MYH13: variants seen among roughly 807,000 people sequenced by gnomAD.
MYH13 encodes the protein myosin heavy chain 13.
Under a neutral mutation model 232.1 loss-of-function variants are expected in MYH13, and 177 were observed. That is an observed-to-expected ratio of 0.76 (90% CI 0.67 to 0.86). The LOEUF (loss-of-function observed/expected upper bound fraction) is 0.86, where lower values mean the gene tolerates loss of function less well. Ranked by LOEUF, MYH13 falls within the 40% of genes least tolerant of loss-of-function variation. MYH13 has a pLI of 0.00. For missense variants in MYH13, 2,246 were observed against 2,405.9 expected (o/e 0.93, Z 1.39); for synonymous variants, 884 against 923.5 (o/e 0.96, Z 0.78).
At position 10,333,074 on chromosome 17, in the gene MYH13, C is replaced by T. The variant is rs562834527; in HGVS notation, c.2174G>A (p.Arg725Gln). ...SRILYADFKQ[R>Q]YRILNASAIP... ...GATGCACAGGAGAGAGGGAACCTAC[C>T]GCTGCTTGAAGTCAGCATAGAGGAT... is the stretch of plus-strand genomic sequence containing the variant. Residue 725 changes from arginine (R) to glutamine (Q), a missense_variant and splice_region_variant, in exon 19 of 41, where the codon CGG becomes CAG. Physicochemically the swap from Arg to Gln is conservative, Grantham distance 43 (BLOSUM62 1). Coordinates refer to ENST00000252172, the MANE Select transcript of MYH13 (RefSeq NM_003802.3). 313 of 1,545,606 alleles carry T rather than the reference C, an allele frequency of 2.0e-4. 1 individual carries two copies. The highest frequency in any genetic ancestry group is 2.6e-4 in the Non-Finnish European group (301 of 1,141,464).
chr17:10,343,812 C>G lies in MYH13; in HGVS notation c.1882G>C (p.Gly628Arg). 6.2e-7 allele frequency: 1 copy of G among 1,601,634 alleles called. No homozygotes were observed. ...LLSFLFSNYAGAETGDSGGSK... is the reference protein window; with the variant it reads ...LLSFLFSNYARAETGDSGGSK... ...GATAGAATTTTACCTGTCTCTGCAC[C>G]AGCATAGTTGGAAAAAAGGAAGGAG... Residue 628 changes from glycine (G) to arginine (R), a missense_variant, in exon 16 of 41, where the codon GGT (glycine) becomes CGT (arginine). Gly to Arg is a moderately radical substitution (Grantham distance 125). Transcript: ENST00000252172.
rs193189624 is a variant in MYH13, at chr17:10,342,351, G to A, written c.1894+1449C>T. Among the ~76,000 whole-genome samples the A allele has an allele frequency of 5.9e-5, 9 of 152,162 alleles. No homozygotes were observed. The East Asian group carries it at 1.5e-3, about 26-fold the overall frequency. ...TGGGATTACAGGTGTAAGCCACCAC[G>A]CCTGGCCCCTGTGTAACCACTCTGG... is the stretch of plus-strand genomic sequence containing the variant. On this transcript the variant is annotated intron_variant, in intron 16 of 40. Transcript: ENST00000252172.
intron 8 of MYH13, among the ~76,000 whole-genome samples, chr17:10,356,759 T>C (rs1002466345): frequency 6.6e-6 from 1 of 152,198 alleles, no homozygotes; most frequent in African/African-American, 2.4e-5. Context: ...GTGTGAAGTT[T>C]TAATGTACTT....
rs199890413 is a variant in MYH13 at position 10,313,255 on chromosome 17, G to A, written c.4084C>T (p.Gln1362Ter). 3 of 1,614,124 alleles carry A rather than the reference G, an allele frequency of 1.9e-6. No individual in the cohort carries two copies. The Admixed American group carries it at 5.0e-5, about 27-fold the overall frequency. The change falls in exon 30 of 41, where the codon CAG becomes TAG. Residue 1362 changes from glutamine (Q) to a stop codon, truncating the protein, a stop_gained. Transcript: ENST00000252172. LOFTEE classifies it high-confidence loss of function. The stretch of plus-strand genomic sequence containing the variant: ...CTGTTGGCCTTGGACAGCGCCCTCT[G>A]CAGCTCGGCCTTGGCTTCCTGCTCC... Reference protein sequence around the residue: ...EEEQEAKAELQRALSKANSEV... With the variant: ...EEEQEAKAEL
chr17:10,358,408 A>T (rs2071765650), intron 7 of MYH13, among the ~76,000 whole-genome samples: 1 of 152,162 alleles, frequency 6.6e-6, no homozygotes, highest in Non-Finnish European at 1.5e-5. Context: ...AACTACTGTC[A>T]AACCTAGTGG....
intron 2 of MYH13, among the ~76,000 whole-genome samples, chr17:10,368,570 C>T (rs1006323999): frequency 5.3e-5 from 8 of 152,296 alleles, no homozygotes; most frequent in Non-Finnish European, 1.0e-4. Flanking sequence ...GTGAAGAATA[C>T]AGTAATTACT....
intron 11 of MYH13, chr17:10,350,900 T>C (rs1026352215): frequency 3.2e-6 from 2 of 628,916 alleles, no homozygotes. Context: ...GAAAAAGATG[T>C]GAATTGTCTG....
rs770998019 is a variant in MYH13 at position 10,303,250 on chromosome 17, C to G, written c.5613G>C (p.Leu1871=). The stretch of plus-strand genomic sequence containing the variant: ...TCACTTTGGCCTGCAGCTTGTCCAC[C>G]AGGTCCTGGAGCCTAAGGATATTCT... ...DHKNILRLQD[L]VDKLQAKVKS... Residue 1871 remains leucine (L), a synonymous_variant, in exon 39 of 41, where the codon CTG becomes CTC. Transcript: ENST00000252172. 1 of 1,613,644 alleles carries G rather than the reference C, an allele frequency of 6.2e-7. No individual in the cohort carries two copies. The highest frequency in any genetic ancestry group is 1.1e-5 in the South Asian group (1 of 91,018).
chr17:10,349,669 C>T (rs756210619), intron 12 of MYH13, among the ~76,000 whole-genome samples: 8 of 151,958 alleles, frequency 5.3e-5, no homozygotes, highest in Non-Finnish European at 1.2e-4. Flanking sequence ...TCCCATGATG[C>T]GGTGACCAAT....
rs1907104304 is a variant in MYH13, at chr17:10,324,057, T to C, written c.2899A>G (p.Lys967Glu). 6.2e-7 allele frequency: 1 copy of C among 1,614,026 alleles called. No individual in the cohort carries two copies. Residue 967 changes from lysine to glutamate, a missense_variant, in exon 23 of 41, where the codon AAA becomes GAA. By Grantham distance (56) the Lys-to-Glu change is moderately conservative (BLOSUM62 1). Coordinates refer to ENST00000252172, the MANE Select transcript of MYH13 (RefSeq NM_003802.3). ...GTGGCATGCTTCTCCTTTTCAACTT[T>C]CGTCAAGGTCAGCTCCAGGTCATCA... The part of the protein sequence containing the change: ...DIDDLELTLT[K>E]VEKEKHATEN...
rs559192057 is a variant in MYH13, at chr17:10,364,017, T to C, written c.204+310A>G. Among the ~76,000 whole-genome samples, 5 of 152,184 alleles carry C rather than the reference T, an allele frequency of 3.3e-5. No homozygotes were observed. The South Asian group carries it at 1.0e-3, about 32-fold the overall frequency. ...GCAGCCACTCTGCAGCCCAGAGAGGTATAATTGGTCGGCCCATCCAGTATC... is the reference window on the plus strand; with the variant it reads ...GCAGCCACTCTGCAGCCCAGAGAGGCATAATTGGTCGGCCCATCCAGTATC... On this transcript the variant is annotated intron_variant, in intron 3 of 40. Coordinates refer to ENST00000252172, the MANE Select transcript of MYH13 (RefSeq NM_003802.3).
At chr17:10,350,519 A>G in intron 12 of MYH13, 37 bp downstream of exon 12, 1 of 1,603,546 alleles carries the variant, frequency 6.2e-7, no homozygotes, top group Non-Finnish European at 8.5e-7. Flanking sequence ...ATGAACATAG[A>G]TGGACCCAAT....
At chr17:10,316,621 C>G (rs984837551) in intron 27 of MYH13, among the ~76,000 whole-genome samples, 1 of 152,034 alleles carries the variant, frequency 6.6e-6, no homozygotes, top group Admixed American at 6.6e-5. Flanking sequence ...ATAAGTGATT[C>G]GTGAATAATT....
chr17:10,338,936 C>A (rs537439531), intron 18 of MYH13, among the ~76,000 whole-genome samples: 1 of 152,182 alleles, frequency 6.6e-6, no homozygotes, highest in East Asian at 1.9e-4. Flanking sequence ...CTCCTGACCT[C>A]GTGATCCACC....
rs758911088 is a variant in MYH13, at chr17:10,318,849, C to T, written c.3679G>A (p.Glu1227Lys). The T allele has an allele frequency of 8.7e-6, 14 of 1,614,010 alleles. No individual in the cohort carries two copies. Among genetic ancestry groups the T allele is most frequent in the African/African-American group, 2.7e-5 (2 of 74,904 alleles). Residue 1227 changes from glutamate (E) to lysine (K), a missense_variant, in exon 27 of 41, where the codon GAG (glutamate) becomes AAG (lysine). Coordinates refer to ENST00000252172, the MANE Select transcript of MYH13 (RefSeq NM_003802.3). ...ATGTCGTCAATCTCCATCTTCAGCT[C>T]GCTCTTCTCCTTCTCCAGCTTCTGC... ...VKQKLEKEKS[E>K]LKMEIDDMAS...
At chr17:10,348,329 T>C (rs1280498216) in intron 12 of MYH13, among the ~76,000 whole-genome samples, 1 of 152,254 alleles carries the variant, frequency 6.6e-6, no homozygotes, top group African/African-American at 2.4e-5. Flanking sequence ...CCAGCAGTTA[T>C]AGTGGCCAAG....
intron 35 of MYH13, 41 bp downstream of exon 35, chr17:10,309,193 C>A: frequency 6.3e-7 from 1 of 1,594,286 alleles, no homozygotes; most frequent in South Asian, 1.1e-5. Flanking sequence ...CGCTATCTGC[C>A]CCAGGGTGGA....
chr17:10,303,072 T>C, intron 39 of MYH13, 124 bp downstream of exon 39: 5 of 779,318 alleles, frequency 6.4e-6, no homozygotes, highest in South Asian at 1.6e-5. Context: ...TCTGTGTTTA[T>C]AGCCTGCAAA....
intron 2 of MYH13, among the ~76,000 whole-genome samples, chr17:10,366,381 G>GTTTGTTTTTTTGTTTTTTTTTTTTTTTT (rs2071837334): frequency 1.8e-5 from 2 of 112,640 alleles, no homozygotes; most frequent in African/African-American, 6.5e-5. Context: ...AAATAAATCT[G>GTTTGTTTTTTTGTTTTTTTTTTTTTTTT]TTTTTTTTTT....
Sources: allele counts gnomAD v4.1 joint callset (sites outside exome capture counted in the v4.1 genomes callset), GRCh38; gene constraint gnomAD v4.1.1; transcripts MANE v1.5; gene names NCBI Gene and HGNC (gene_info 2026-07-23, HGNC 2026-07-21).